GRIA2: variants seen among roughly 807,000 people sequenced by gnomAD.
GRIA2 encodes the protein glutamate ionotropic receptor AMPA type subunit 2.
In GRIA2, 14 loss-of-function variants were observed where a neutral mutation model predicts 97.3. That is an observed-to-expected ratio of 0.14 (90% CI 0.10 to 0.23). The LOEUF (loss-of-function observed/expected upper bound fraction) is 0.23, where lower values mean the gene tolerates loss of function less well. Ranked by LOEUF, GRIA2 falls within the 10% of genes least tolerant of loss-of-function variation. The pLI is 1.00. For synonymous variants in GRIA2, 412 were observed against 387.8 expected, an observed-to-expected ratio of 1.06 and a Z score of -0.73; for missense variants, 558 against 1,069.8, an observed-to-expected ratio of 0.52 and a Z score of 6.67.
chr4:157,321,649 GAA>G, intron 6 of GRIA2, 50 bp downstream of exon 6: 1 of 1,335,082 alleles, frequency 7.5e-7, no homozygotes, highest in South Asian at 1.3e-5. Context: ...TGAGGAGAGA[GAA>G]GAGTCTTGGC....
chr4:157,231,472 C>T (rs564094347), intron 2 of GRIA2, among the ~76,000 whole-genome samples: 73 of 152,254 alleles, frequency 4.8e-4, no homozygotes, highest in Admixed American at 4.5e-3. Flanking sequence ...CAACCATCCT[C>T]GGCTAACAAT....
At chr4:157,344,896 A>C (rs945165011) in intron 12 of GRIA2, among the ~76,000 whole-genome samples, 3 of 152,114 alleles carry the variant, frequency 2.0e-5, no homozygotes, top group Admixed American at 6.6e-5. Context: ...CCAATTCTAA[A>C]ATAGAATTCA....
chr4:157,281,741 T>C (rs1250732086), intron 2 of GRIA2, among the ~76,000 whole-genome samples: 1 of 152,162 alleles, frequency 6.6e-6, no homozygotes, highest in Non-Finnish European at 1.5e-5. Context: ...AGAAACAACT[T>C]TGATTCAGTC....
At position 157,306,707 on chromosome 4, in the gene GRIA2, G is replaced by A. The variant is rs570825973; in HGVS notation, c.469+2916G>A. On this transcript the variant is annotated intron_variant, in intron 3 of 15. Transcript: ENST00000264426. The stretch of plus-strand genomic sequence containing the variant: ...AATATTTTACTTGGCTCATGGAAAT[G>A]GAATTTTTGCTATTTGTTTTTTTCT... Among the ~76,000 whole-genome samples the A allele has an allele frequency of 1.1e-4, 16 of 152,174 alleles. No individual in the cohort carries two copies. In the South Asian group the frequency reaches 3.3e-3, roughly 32 times the overall value.
chr4:157,356,867 A>C (rs1355107673), intron 12 of GRIA2, among the ~76,000 whole-genome samples: 1 of 152,160 alleles, frequency 6.6e-6, no homozygotes, highest in East Asian at 1.9e-4. Context: ...GAATTAGGCC[A>C]AACTAAACAC....
intron 2 of GRIA2, among the ~76,000 whole-genome samples, chr4:157,282,084 C>T (rs1211431181): frequency 1.3e-5 from 2 of 152,040 alleles, no homozygotes; most frequent in Non-Finnish European, 2.9e-5. Context: ...TTGCTGTGTC[C>T]AATAGCAGTT....
intron 2 of GRIA2, among the ~76,000 whole-genome samples, chr4:157,280,250 G>C (rs1732534646): frequency 6.6e-6 from 1 of 152,084 alleles, no homozygotes; most frequent in South Asian, 2.1e-4. Context: ...CCTTATTAAT[G>C]AAATGTCAAG....
At chr4:157,312,041 A>G (rs1048563402) in intron 3 of GRIA2, among the ~76,000 whole-genome samples, 1 of 152,062 alleles carries the variant, frequency 6.6e-6, no homozygotes, top group African/African-American at 2.4e-5. Flanking sequence ...AATAACTGCC[A>G]CCATCTGGTT....
At chr4:157,268,808 TTGA>T (rs1462441497) in intron 2 of GRIA2, among the ~76,000 whole-genome samples, 3 of 152,012 alleles carry the variant, frequency 2.0e-5, no homozygotes, top group African/African-American at 7.2e-5. Context: ...TTATCTTTTC[TTGA>T]TGATGATTTA....
chr4:157,237,435 C>T (rs1027556309), intron 2 of GRIA2, among the ~76,000 whole-genome samples: 1 of 152,004 alleles, frequency 6.6e-6, no homozygotes, highest in Non-Finnish European at 1.5e-5. Context: ...GCTGGGACTA[C>T]AGGCACATGC....
At chr4:157,314,778 T>C (rs1377516097) in intron 4 of GRIA2, among the ~76,000 whole-genome samples, 1 of 152,200 alleles carries the variant, frequency 6.6e-6, no homozygotes, top group Non-Finnish European at 1.5e-5. Flanking sequence ...CAGAGTATTT[T>C]GCACATATAT....
In GRIA2 at chr4:157,254,430, G is replaced by T. The variant is rs1034691440; in HGVS notation, c.229+32623G>T. ...TAGAGTTAACCCATTTAAAAAATCA[G>T]ATTGGGAAAATGTTTCTGCTTCATG... is the stretch of plus-strand genomic sequence containing the variant. On this transcript the variant is annotated intron_variant, in intron 2 of 15. Transcript: ENST00000264426. 2.6e-5 allele frequency among the ~76,000 whole-genome samples: 4 copies of T among 152,022 alleles called. No homozygotes were observed. In the East Asian group the frequency reaches 7.7e-4, roughly 29 times the overall value.
intron 12 of GRIA2, among the ~76,000 whole-genome samples, chr4:157,355,933 T>TAATATATTTATATATAAATA (rs1560781153): frequency 4.3e-5 from 1 of 23,472 alleles, no homozygotes; most frequent in Non-Finnish European, 8.6e-5. Flanking sequence ...TTATATATAT[T>TAATATATTTATATATAAATA]TATATATTAA....
At chr4:157,287,972 G>A (rs1732920294) in intron 2 of GRIA2, among the ~76,000 whole-genome samples, 1 of 151,520 alleles carries the variant, frequency 6.6e-6, no homozygotes, top group Admixed American at 6.6e-5. Context: ...GGAGAGTTTT[G>A]GAGATATTGA....
At chr4:157,333,084 T>C in intron 7 of GRIA2, 98 bp downstream of exon 7, 4 of 1,026,922 alleles carry the variant, frequency 3.9e-6, no homozygotes, top group Non-Finnish European at 5.7e-6. Flanking sequence ...TTGTGTCTAA[T>C]ATACAGGCAA....
At position 157,272,143 on chromosome 4, in the gene GRIA2, C is replaced by G. The variant is rs147790913; in HGVS notation, c.230-31409C>G. ...GATTATCTTGGATTTCAAAGCAACCCTATGAAGTAGGTAATGTTATTTGCA... is the reference window on the plus strand; with the variant it reads ...GATTATCTTGGATTTCAAAGCAACCGTATGAAGTAGGTAATGTTATTTGCA... On this transcript the variant is annotated intron_variant, in intron 2 of 15. Coordinates refer to ENST00000264426, the MANE Select transcript of GRIA2 (RefSeq NM_001083619.3). Among the ~76,000 whole-genome samples, 411 of 151,996 alleles carry G rather than the reference C, an allele frequency of 2.7e-3. 4 individuals carry two copies. Among genetic ancestry groups the G allele is most frequent in the African/African-American group, 9.4e-3 (388 of 41,466 alleles).
At position 157,221,039 on chromosome 4, in the gene GRIA2, G is replaced by T; in HGVS notation, c.-4G>T. 6.6e-7 allele frequency: 1 copy of T among 1,512,780 alleles called. No homozygotes were observed. The allele number at this position is 1,512,780 out of a possible 1,614,324, so 93.7% of individuals were successfully genotyped here. On this transcript the variant is annotated 5_prime_UTR_variant, in exon 1 of 16. Coordinates refer to ENST00000264426, the MANE Select transcript of GRIA2 (RefSeq NM_001083619.3). ...ATATTGTGGATGCTCTACTTTTCTT[G>T]GAAATGCAAAAGATTATGCATATTT... is the stretch of plus-strand genomic sequence containing the variant.
intron 12 of GRIA2, among the ~76,000 whole-genome samples, chr4:157,356,096 T>C (rs868445257): frequency 4.5e-4 from 57 of 125,644 alleles, no homozygotes; most frequent in African/African-American, 1.7e-3. Flanking sequence ...TATATATTTA[T>C]ATATTTATAT....
At chr4:157,260,265 T>G (rs567161879) in intron 2 of GRIA2, among the ~76,000 whole-genome samples, 3 of 152,112 alleles carry the variant, frequency 2.0e-5, no homozygotes, top group African/African-American at 7.2e-5. Flanking sequence ...TATCAGATTA[T>G]GTACCATTTC....
Sources: gnomAD v4.1 joint callset for allele counts (sites outside exome capture counted in the v4.1 genomes callset) on GRCh38, gnomAD v4.1.1 for gene constraint, MANE v1.5 for transcripts, NCBI Gene and HGNC (gene_info 2026-07-23, HGNC 2026-07-21) for gene names.